CCND3: variants seen among roughly 807,000 people sequenced by gnomAD.
CCND3 encodes the protein cyclin D3, also known as G1/S-specific cyclin-D3.
CCND3 carries 9 observed loss-of-function variants against 28.7 expected under a neutral mutation model. That is an observed-to-expected ratio of 0.31 (90% confidence interval 0.19 to 0.55). The LOEUF is 0.55. Ranked by LOEUF, CCND3 falls within the 20% of genes least tolerant of loss-of-function variation. CCND3 has a pLI of 0.93. For missense variants in CCND3, 315 were observed against 385.8 expected, an observed-to-expected ratio of 0.82 and a Z score of 1.54; for synonymous variants, 164 against 163.9, an observed-to-expected ratio of 1.00 and a Z score of 0.00.
intron 1 of CCND3, among the ~76,000 whole-genome samples, chr6:42,034,173 G>A (rs147577568): frequency 0.032 from 4,735 of 149,110 alleles, 141 homozygotes; most frequent in East Asian, 0.1. Flanking sequence ...TTGAGATGGA[G>A]CCTCGCTCTT....
intron 1 of CCND3, among the ~76,000 whole-genome samples, chr6:41,968,503 G>A (rs1761948629): frequency 6.6e-6 from 1 of 152,062 alleles, no homozygotes; most frequent in Non-Finnish European, 1.5e-5. Flanking sequence ...AAGGCAGGAG[G>A]ATTGTTGAGC....
chr6:41,989,214 T>A (rs1385814721), intron 1 of CCND3, among the ~76,000 whole-genome samples: 1 of 151,444 alleles, frequency 6.6e-6, no homozygotes, highest in African/African-American at 2.4e-5. Context: ...ATCCCAAGAC[T>A]TTGGGAGGCT....
chr6:41,963,530 A>C lies in CCND3; in HGVS notation c.-45-22945T>G, dbSNP rs540571247. Among the ~76,000 whole-genome samples the C allele has an allele frequency of 1.3e-3, 203 of 152,364 alleles. 1 individual carries two copies. Among genetic ancestry groups the C allele is most frequent in the African/African-American group, 4.8e-3 (199 of 41,592 alleles). ...GACCACAGAAATGAATACACAAAGC[A>C]GAAAAGCAGAGGCAACAAGTGAAGC... On this transcript the variant is annotated intron_variant, in intron 1 of 4. Transcript: ENST00000372988.
In CCND3 at chr6:42,034,468, C is replaced by CTTTT. The variant is rs34822771; in HGVS notation, c.-46+14029_-46+14032dup. On this transcript the variant is annotated intron_variant, in intron 1 of 4. Transcript: ENST00000372988. ...ACCGTGCCTGGCCAACCCTGTCACT[C>CTTTT]TTTTTTTTTTTTTTTTTTTTTTTTT... Among the ~76,000 whole-genome samples the CTTTT allele has an allele frequency of 3.3e-4, 17 of 51,000 alleles. 6 individuals are homozygous for CTTTT. Among genetic ancestry groups the CTTTT allele is most frequent in the African/African-American group, 7.7e-4 (9 of 11,742 alleles). The allele number at this position is 51,000 out of a possible 152,430, so 33.5% of individuals were successfully genotyped here.
intron 1 of CCND3, among the ~76,000 whole-genome samples, chr6:41,952,025 G>A (rs966827972): frequency 9.2e-5 from 14 of 152,226 alleles, no homozygotes; most frequent in African/African-American, 2.4e-4. Flanking sequence ...GCCTCCCAAC[G>A]TGCTGGGATT....
chr6:41,937,427 C>T (rs772560568), intron 2 of CCND3, 33 bp from the exon 3 acceptor site: 1 of 1,612,996 alleles, frequency 6.2e-7, no homozygotes, highest in Non-Finnish European at 8.5e-7. Context: ...GGGTCAGTGG[C>T]TGGAGAAGTG....
At chr6:41,959,044 G>A (rs139857967) in intron 1 of CCND3, among the ~76,000 whole-genome samples, 6 of 152,240 alleles carry the variant, frequency 3.9e-5, no homozygotes, top group Middle Eastern at 3.4e-3. Flanking sequence ...GCCGGGCACG[G>A]TGGCTCACGC....
chr6:42,016,306 G>A (rs893461966), intron 1 of CCND3, among the ~76,000 whole-genome samples: 1 of 152,088 alleles, frequency 6.6e-6, no homozygotes, highest in Non-Finnish European at 1.5e-5. Context: ...TTCCCATCTA[G>A]CTGAATTTTT....
At chr6:42,006,833 A>ATGG (rs1561983900) in intron 1 of CCND3, among the ~76,000 whole-genome samples, 1 of 151,398 alleles carries the variant, frequency 6.6e-6, no homozygotes, top group Non-Finnish European at 1.5e-5. Context: ...GTGTGAACCC[A>ATGG]GGGGGCAGAG....
chr6:41,942,668 T>C (rs889853930), upstream of CCND3, among the ~76,000 whole-genome samples: 5 of 152,252 alleles, frequency 3.3e-5, no homozygotes, highest in South Asian at 2.1e-4. Flanking sequence ...CTCTGTGAGA[T>C]CTACCGGTTG....
intron 1 of CCND3, among the ~76,000 whole-genome samples, chr6:42,014,003 C>T (rs767933655): frequency 3.9e-4 from 56 of 144,590 alleles, no homozygotes; most frequent in African/African-American, 1.2e-3. Context: ...ACCCGGGAGG[C>T]GGAGGTTGCA....
At chr6:42,028,456 G>A (rs570691229) in intron 1 of CCND3, among the ~76,000 whole-genome samples, 20 of 152,288 alleles carry the variant, frequency 1.3e-4, no homozygotes, top group African/African-American at 2.9e-4. Flanking sequence ...TCTGCCCATC[G>A]CCTCTGCCGG....
At chr6:41,956,182 C>G (rs1310899956) in intron 1 of CCND3, among the ~76,000 whole-genome samples, 1 of 152,076 alleles carries the variant, frequency 6.6e-6, no homozygotes, top group African/African-American at 2.4e-5. Context: ...ATCCTAGCTA[C>G]TTGGGAAGTT....
intron 1 of CCND3, among the ~76,000 whole-genome samples, chr6:41,998,617 C>T (rs560120213): frequency 4.0e-5 from 6 of 151,808 alleles, no homozygotes; most frequent in South Asian, 2.1e-4. Flanking sequence ...CGTGAGCCAC[C>T]GTGCCCAGCT....
At chr6:42,028,791 A>G (rs1424316144) in intron 1 of CCND3, among the ~76,000 whole-genome samples, 2 of 152,298 alleles carry the variant, frequency 1.3e-5, no homozygotes, top group East Asian at 3.9e-4. Context: ...AAGGAATGAG[A>G]TTATGCGTGG....
In CCND3 at chr6:41,935,090, C is replaced by T. The variant is rs1190088486; in HGVS notation, c.*850G>A. 1 of 233,264 alleles carries T rather than the reference C, an allele frequency of 4.3e-6. No individual in the cohort carries two copies. The highest frequency in any genetic ancestry group is 6.0e-5 in the East Asian group (1 of 16,612). 14.4% of individuals were successfully genotyped at this position (233,264 alleles called of 1,614,324 possible). On this transcript the variant is annotated 3_prime_UTR_variant, in exon 5 of 5. Transcript: ENST00000372991. ...AGGGGCTCAGCCACCTCCAGGGCATCCCTGCTGCATTTTCCCTGCTGGAGG... is the reference window on the plus strand; with the variant it reads ...AGGGGCTCAGCCACCTCCAGGGCATTCCTGCTGCATTTTCCCTGCTGGAGG...
At position 41,939,460 on chromosome 6, in the gene CCND3, C is replaced by T. The variant is rs377101192; in HGVS notation, c.414+910G>A. Among the ~76,000 whole-genome samples the T allele has an allele frequency of 6.6e-6, 1 of 152,170 alleles. No individual in the cohort carries two copies. The highest frequency in any genetic ancestry group is 1.9e-4 in the East Asian group (1 of 5,202). ...CCTCTTCCAGATCCAGCAGCTCCCCCGCCTCCTCCCCAGGCTCCTTCTGAG... is the reference window on the plus strand; with the variant it reads ...CCTCTTCCAGATCCAGCAGCTCCCCTGCCTCCTCCCCAGGCTCCTTCTGAG... On this transcript the variant is annotated intron_variant, in intron 2 of 4. Coordinates refer to ENST00000372991, the MANE Select transcript of CCND3 (RefSeq NM_001760.5). This position sits in a 1 kb window ranked among gnomAD's most constrained non-coding sequence, Gnocchi z 4.2.
chr6:42,031,091 C>G (rs1373539246), intron 1 of CCND3, among the ~76,000 whole-genome samples: 1 of 152,142 alleles, frequency 6.6e-6, no homozygotes, highest in Non-Finnish European at 1.5e-5. Context: ...ACCTCCTCCT[C>G]TGTTGCTGAG....
At chr6:41,991,197 T>C (rs1310963509) in intron 1 of CCND3, among the ~76,000 whole-genome samples, 5 of 152,066 alleles carry the variant, frequency 3.3e-5, no homozygotes, top group African/African-American at 1.2e-4. Context: ...TAGCTGGGGC[T>C]ACAGGCATGT....
Sources: gnomAD v4.1 joint callset for allele counts (sites outside exome capture counted in the v4.1 genomes callset) on GRCh38, gnomAD v4.1.1 for gene constraint, Gnocchi (gnomAD v3.1) non-coding constraint, MANE v1.5 for transcripts, NCBI Gene and HGNC (gene_info 2026-07-23, HGNC 2026-07-21) for gene names.